STYK1: variants seen among roughly 807,000 people sequenced by gnomAD.
STYK1 encodes the protein STY kinase 1.
STYK1 carries 46 observed loss-of-function variants against 48.1 expected under a neutral mutation model. The observed-to-expected ratio is 0.96, with a 90% CI of 0.75 to 1.22. STYK1 has a LOEUF of 1.22. Among genes scored for constraint, STYK1 ranks in the 50% most tolerant of loss-of-function variants. The pLI is 0.00. For synonymous variants in STYK1, 188 were observed against 189.0 expected (o/e 0.99, Z 0.04); for missense variants, 527 against 521.1 (o/e 1.01, Z -0.11).
At chr12:10,649,497 G>A (rs888269693) in intron 1 of STYK1, among the ~76,000 whole-genome samples, 2 of 152,120 alleles carry the variant, frequency 1.3e-5, no homozygotes, top group African/African-American at 4.8e-5. Flanking sequence ...TATGGCAAGA[G>A]TACAATGAAA....
rs2290717 is a variant in STYK1 at position 10,631,130 on chromosome 12, A to G, written c.366T>C (p.Ser122=). Residue 122 remains serine, a synonymous_variant, in exon 5 of 11, where the codon AGT becomes AGC. Transcript: ENST00000075503. ...CTCGAAAGATGGGCCCACAGCTACC[A>G]CTGCAAATCTGCTCCAGAACTTCAG... ...QLSEVLEQIC[S]GSCGPIFRAN... The G allele has an allele frequency of 0.39, 626,040 of 1,613,936 alleles. 126,235 individuals are homozygous for G. The highest frequency in any genetic ancestry group is 0.42 in the Non-Finnish European group (495,397 of 1,179,938).
chr12:10,670,527 A>T (rs1947880322), intron 1 of STYK1, among the ~76,000 whole-genome samples: 1 of 152,014 alleles, frequency 6.6e-6, no homozygotes, highest in Non-Finnish European at 1.5e-5. Context: ...AAAAAGTTGA[A>T]CTCATAAAAG....
intron 1 of STYK1, among the ~76,000 whole-genome samples, chr12:10,642,447 C>G (rs1406207913): frequency 6.6e-6 from 1 of 152,144 alleles, no homozygotes; most frequent in Non-Finnish European, 1.5e-5. Context: ...TGTAAAATGC[C>G]TAGAACATTA....
chr12:10,649,887 C>T (rs1180278026), intron 1 of STYK1, among the ~76,000 whole-genome samples: 8 of 151,926 alleles, frequency 5.3e-5, no homozygotes, highest in Middle Eastern at 3.4e-3. Flanking sequence ...TTGAGGCGGG[C>T]GGATCGCGAG....
At chr12:10,632,992 C>A (rs1024349193) in intron 4 of STYK1, among the ~76,000 whole-genome samples, 1 of 152,142 alleles carries the variant, frequency 6.6e-6, no homozygotes, top group African/African-American at 2.4e-5. Context: ...ATTTGTATTC[C>A]ATTGAAACTG....
intron 2 of STYK1, 49 bp from the exon 3 acceptor site, chr12:10,634,735 A>T: frequency 1.7e-6 from 2 of 1,204,516 alleles, no homozygotes; most frequent in Non-Finnish European, 2.4e-6. Context: ...GAAAAAAAAT[A>T]AATGAAGTAC....
In STYK1 at chr12:10,621,873, T is replaced by G; in HGVS notation, c.1064+3A>C. 6.2e-7 allele frequency: 1 copy of G among 1,613,594 alleles called. No individual in the cohort carries two copies. The highest frequency in any genetic ancestry group is 8.5e-7 in the Non-Finnish European group (1 of 1,179,588). ...GAGGAGCAGGCCTTTAAAAACCACT[T>G]ACATGGTATGTGTGCAGCTACTGGG... is the stretch of plus-strand genomic sequence containing the variant. On this transcript the variant is annotated splice_donor_region_variant and intron_variant, in intron 10 of 10. Coordinates refer to ENST00000075503, the MANE Select transcript of STYK1 (RefSeq NM_018423.3).
intron 4 of STYK1, 53 bp downstream of exon 4, chr12:10,633,937 C>T (rs1178053897): frequency 6.3e-7 from 1 of 1,588,758 alleles, no homozygotes; most frequent in African/African-American, 1.4e-5. Context: ...CATACTTTTT[C>T]CTAATCTCCA....
Position 10,622,657 on chromosome 12 carries a change from G to A in STYK1, c.948C>T (p.Leu316=), listed in dbSNP as rs760365301. The A allele has an allele frequency of 6.9e-5, 112 of 1,613,852 alleles. No individual in the cohort carries two copies. The highest frequency in any genetic ancestry group is 9.2e-5 in the Non-Finnish European group (108 of 1,179,932). ...CCTTACCTAGAGTCACCATCTCATA[G>A]AGCAGGATCCCAAAAGACCAGCTGT... The part of the protein sequence containing the change: ...RADVWSFGIL[L]YEMVTLGAPP... The change falls in exon 9 of 11, where the codon CTC becomes CTT. Residue 316 remains leucine (L), a synonymous_variant. Transcript: ENST00000075503.
chr12:10,645,727 A>G (rs1993499), intron 1 of STYK1, among the ~76,000 whole-genome samples: 148,599 of 152,288 alleles, frequency 0.98, 72,592 homozygotes, highest in East Asian at 1. Flanking sequence ...ATCAATCCTG[A>G]TGTTCATTTC....
chr12:10,648,110 A>C (rs1487332319), intron 1 of STYK1, among the ~76,000 whole-genome samples: 2 of 152,220 alleles, frequency 1.3e-5, no homozygotes. Flanking sequence ...GCTTCCCAGG[A>C]GATACTAACA....
At chr12:10,668,615 G>A (rs539576373) in intron 1 of STYK1, among the ~76,000 whole-genome samples, 14 of 129,632 alleles carry the variant, frequency 1.1e-4, no homozygotes, top group African/African-American at 3.8e-4. Flanking sequence ...AGCTGCTCTC[G>A]AACTCCTGAC....
At chr12:10,624,981 A>C in intron 7 of STYK1, 122 bp from the exon 8 acceptor site, 1 of 765,822 alleles carries the variant, frequency 1.3e-6, no homozygotes, top group Non-Finnish European at 2.2e-6. Flanking sequence ...AACAAGTCTC[A>C]CTAATAATGA....
At chr12:10,663,061 A>T (rs1947794428) in intron 1 of STYK1, among the ~76,000 whole-genome samples, 1 of 152,306 alleles carries the variant, frequency 6.6e-6, no homozygotes, top group South Asian at 2.1e-4. Context: ...GTCCCAGCAT[A>T]ATTTGTTAAA....
At chr12:10,654,154 CACAGAA>C (rs546979227) in intron 1 of STYK1, among the ~76,000 whole-genome samples, 193 of 152,262 alleles carry the variant, frequency 1.3e-3, no homozygotes, top group South Asian at 9.1e-3. Context: ...TTACAAATGC[CACAGAA>C]ACATCTGTAA....
chr12:10,662,968 T>C (rs569069191), intron 1 of STYK1, among the ~76,000 whole-genome samples: 2 of 152,224 alleles, frequency 1.3e-5, no homozygotes, highest in African/African-American at 2.4e-5. Context: ...TTCATAGTTT[T>C]AGTTCTTATA....
chr12:10,657,024 A>T (rs1279344918), intron 1 of STYK1, among the ~76,000 whole-genome samples: 5 of 150,978 alleles, frequency 3.3e-5, no homozygotes, highest in Non-Finnish European at 7.4e-5. Flanking sequence ...AACTCTTTGC[A>T]TGTTTGGATC....
intron 1 of STYK1, among the ~76,000 whole-genome samples, chr12:10,653,308 T>C (rs1211415893): frequency 6.6e-6 from 1 of 151,998 alleles, no homozygotes; most frequent in South Asian, 2.1e-4. Context: ...GACCTTGGCC[T>C]CCCAAAGTGC....
At chr12:10,661,616 C>A (rs1290292164) in intron 1 of STYK1, among the ~76,000 whole-genome samples, 1 of 152,190 alleles carries the variant, frequency 6.6e-6, no homozygotes, top group Non-Finnish European at 1.5e-5. Context: ...ATGTGTTAGG[C>A]ACTCTTCCAA....
Sources: allele counts gnomAD v4.1 joint callset (sites outside exome capture counted in the v4.1 genomes callset), GRCh38; gene constraint gnomAD v4.1.1; transcripts MANE v1.5; gene names NCBI Gene and HGNC (gene_info 2026-07-23, HGNC 2026-07-21).